VRTN: variants seen among roughly 807,000 people sequenced by gnomAD.
VRTN encodes the protein vertnin.
VRTN carries 5 observed loss-of-function variants against 18.2 expected under a neutral mutation model. The observed-to-expected ratio is 0.27, with a 90% CI of 0.14 to 0.58. VRTN has a LOEUF of 0.58. VRTN is among the 20% of genes least tolerant of loss of function. The probability of loss-of-function intolerance (pLI) is 0.91; values close to 1 mark genes in which losing one functional copy is unlikely to be tolerated. For synonymous variants in VRTN, 381 were observed against 393.7 expected (o/e 0.97, Z 0.38); for missense variants, 741 against 939.4 (o/e 0.79, Z 2.76).
In VRTN at chr14:74,357,537, C is replaced by T; in HGVS notation, c.754C>T (p.Pro252Ser). ...GGAAGAGGTGGAGGCTGAAGGTGCC[C>T]CTGGCGTGGCCCCAGCTCTTCCAGC... ...GLEEVEAEGA[P>S]GVAPALPALA... Residue 252 changes from proline (P) to serine (S), a missense_variant, in exon 2 of 2, where the codon CCT becomes TCT. Around this residue, in one of 3 missense-constraint regions of VRTN, gnomAD observed 494 missense variants for 546.5 expected, o/e 0.90. Coordinates refer to ENST00000256362, the MANE Select transcript of VRTN (RefSeq NM_018228.3). This position sits in a 1 kb window ranked among gnomAD's most constrained non-coding sequence, Gnocchi z 7.8. 1 of 1,613,580 alleles carries T rather than the reference C, an allele frequency of 6.2e-7. No homozygotes were observed. The highest frequency in any genetic ancestry group is 2.2e-5 in the East Asian group (1 of 44,860).
intron 1 of VRTN, among the ~76,000 whole-genome samples, chr14:74,326,950 A>G (rs983007185): frequency 4.5e-5 from 6 of 131,918 alleles, no homozygotes; most frequent in African/African-American, 1.7e-4. Context: ...TCCTTTGTCT[A>G]GGACAATCCA....
At chr14:74,314,591 A>G (rs1222073072) in intron 1 of VRTN, among the ~76,000 whole-genome samples, 1 of 151,582 alleles carries the variant, frequency 6.6e-6, no homozygotes, top group Non-Finnish European at 1.5e-5. Flanking sequence ...TTTAGTAGAG[A>G]TGGGGTTTCA....
intron 1 of VRTN, among the ~76,000 whole-genome samples, chr14:74,320,563 C>T (rs868656231): frequency 0.064 from 2,894 of 44,924 alleles, 170 homozygotes; most frequent in African/African-American, 0.2. Flanking sequence ...CGCCCGGCCT[C>T]TTTTTTTTTT....
At chr14:74,344,039 C>A (rs2085625650), upstream of VRTN, among the ~76,000 whole-genome samples, 1 of 150,378 alleles carries the variant, frequency 6.6e-6, no homozygotes, top group South Asian at 2.2e-4. Context: ...CTCAAGTAAT[C>A]CACCTGCCTC....
At chr14:74,322,221 C>T (rs2085460744) in intron 1 of VRTN, among the ~76,000 whole-genome samples, 1 of 151,688 alleles carries the variant, frequency 6.6e-6, no homozygotes. Context: ...AGTCATGGCT[C>T]ACTGTAACCT....
At position 74,359,896 on chromosome 14, in the gene VRTN, AG is replaced by A. The variant is rs1161775794; in HGVS notation, c.*1006del. ...CTGCTGAGCGTCTTCTCGGAGCTGG[AG>A]GCCCATCTTCAGTGAGAGATCACAA... On this transcript the variant is annotated 3_prime_UTR_variant, in exon 2 of 2. Transcript: ENST00000256362. 1.2e-5 allele frequency: 2 copies of A among 167,174 alleles called. No homozygotes were observed. The highest frequency in any genetic ancestry group is 2.9e-5 in the Non-Finnish European group (2 of 68,126). The allele number at this position is 167,174 out of a possible 1,614,324, so 10.4% of individuals were successfully genotyped here. A position where few individuals can be genotyped will look rare whatever the true frequency, so the allele number is the denominator to read the frequency against.
chr14:74,334,220 A>G (rs964602201), intron 1 of VRTN, among the ~76,000 whole-genome samples: 1 of 152,226 alleles, frequency 6.6e-6, no homozygotes, highest in African/African-American at 2.4e-5. Context: ...ATTAAATGAT[A>G]TAAGTTCATT....
At chr14:74,327,738 A>G (rs187323751) in intron 1 of VRTN, among the ~76,000 whole-genome samples, 21 of 151,404 alleles carry the variant, frequency 1.4e-4, no homozygotes, top group African/African-American at 4.9e-4. Context: ...ATTATTTGAG[A>G]TGGAGTCTCA....
At chr14:74,336,496 C>T (rs1185471953) in intron 1 of VRTN, among the ~76,000 whole-genome samples, 1 of 152,204 alleles carries the variant, frequency 6.6e-6, no homozygotes, top group East Asian at 1.9e-4. Flanking sequence ...CTTCTTTCTA[C>T]TCCCTAAACA....
chr14:74,316,385 C>T (rs1005518745), intron 1 of VRTN, among the ~76,000 whole-genome samples: 5 of 151,744 alleles, frequency 3.3e-5, no homozygotes, highest in East Asian at 3.9e-4. Flanking sequence ...GTGTGTCGCA[C>T]GCCTCTAGTC....
chr14:74,340,151 T>C (rs530344126), intron 2 of VRTN, among the ~76,000 whole-genome samples: 4 of 151,168 alleles, frequency 2.6e-5, no homozygotes, highest in Non-Finnish European at 5.9e-5. Context: ...TTGCTCTTGT[T>C]GCCCAGGCTG....
At chr14:74,349,471 C>T (rs1433703013) in intron 1 of VRTN, among the ~76,000 whole-genome samples, 1 of 152,156 alleles carries the variant, frequency 6.6e-6, no homozygotes, top group Non-Finnish European at 1.5e-5. Context: ...ACCTGGTGGC[C>T]CATGTGCAGG....
intron 1 of VRTN, among the ~76,000 whole-genome samples, chr14:74,311,700 G>A (rs549910362): frequency 6.6e-6 from 1 of 151,720 alleles, no homozygotes; most frequent in South Asian, 2.1e-4. Context: ...GTGAGCCACC[G>A]CTCCCGGCCG....
chr14:74,351,762 T>G lies in VRTN; in HGVS notation c.-2+3110T>G, dbSNP rs552030835. On this transcript the variant is annotated intron_variant, in intron 1 of 1. Transcript: ENST00000256362. ...TCCCAAAGTTCTGGGATTACAGGCA[T>G]GAGCCACTGCACTTGGGCTGATTAC... is the stretch of plus-strand genomic sequence containing the variant. Among the ~76,000 whole-genome samples, 18 of 152,262 alleles carry G rather than the reference T, an allele frequency of 1.2e-4. No individual in the cohort carries two copies. In the South Asian group the frequency reaches 3.5e-3, roughly 30 times the overall value.
chr14:74,346,930 A>G (rs1291626452), upstream of VRTN, among the ~76,000 whole-genome samples: 3 of 152,218 alleles, frequency 2.0e-5, no homozygotes, highest in Admixed American at 2.0e-4. Context: ...TTTTTTATAA[A>G]ATGTCAAACA....
At chr14:74,316,135 A>G (rs1001338232) in intron 1 of VRTN, among the ~76,000 whole-genome samples, 3 of 152,168 alleles carry the variant, frequency 2.0e-5, no homozygotes, top group African/African-American at 7.2e-5. Context: ...CAACATGTCC[A>G]TCACCCAGCA....
rs777385247 is a variant in VRTN, at chr14:74,356,885, C to T, written c.102C>T (p.Ala34=). 7 of 1,614,002 alleles carry T rather than the reference C, an allele frequency of 4.3e-6. No individual in the cohort carries two copies. In the Admixed American group the frequency reaches 6.7e-5, roughly 15 times the overall value. The stretch of plus-strand genomic sequence containing the variant: ...GTCTCATAGGTGCTTCCTTGGAGGC[C>T]AAGCAGGTCCTGTCTTCCTTCACTC... ...LEGLIGASLE[A]KQVLSSFTLP... Residue 34 remains alanine (A), a synonymous_variant, in exon 2 of 2, where the codon GCC becomes GCT. Coordinates refer to ENST00000256362, the MANE Select transcript of VRTN (RefSeq NM_018228.3).
At chr14:74,344,951 A>C (rs1334162798), upstream of VRTN, among the ~76,000 whole-genome samples, 1 of 152,154 alleles carries the variant, frequency 6.6e-6, no homozygotes, top group Non-Finnish European at 1.5e-5. Flanking sequence ...GGAGTGATGC[A>C]CTAGAAACAA....
chr14:74,351,852 C>CT (rs553070112), intron 1 of VRTN, among the ~76,000 whole-genome samples: 6,254 of 149,640 alleles, frequency 0.042, 209 homozygotes, highest in Admixed American at 0.11. Flanking sequence ...TCCCTCAGTA[C>CT]TTTTTTTTTT....
Sources: allele counts gnomAD v4.1 joint callset (sites outside exome capture counted in the v4.1 genomes callset), GRCh38; gene constraint gnomAD v4.1.1; regional missense constraint gnomAD v4.1.1; non-coding constraint Gnocchi (gnomAD v3.1); transcripts MANE v1.5; gene names NCBI Gene and HGNC (gene_info 2026-07-23, HGNC 2026-07-21).